The following RIPOR2 variants were observed in gnomAD, a reference collection of about 807,000 sequenced individuals.
The protein encoded by RIPOR2 is rho family-interacting cell polarization regulator 2.
Under a neutral mutation model 114.5 loss-of-function variants are expected in RIPOR2, and 39 were observed. The ratio of observed to expected loss-of-function variants is 0.34; its 90% confidence interval spans 0.26 to 0.44. RIPOR2 has a LOEUF of 0.44. Among genes scored for constraint, RIPOR2 ranks in the 20% least tolerant of loss-of-function variants. The pLI, the probability that RIPOR2 is intolerant of heterozygous loss-of-function variation, is 1.00. For synonymous variants in RIPOR2, 445 were observed against 484.4 expected, an observed-to-expected ratio of 0.92 and a Z score of 1.07; for missense variants, 1,007 against 1,255.1, an observed-to-expected ratio of 0.80 and a Z score of 2.99.
In RIPOR2 at chr6:25,037,981, C is replaced by T. The variant is rs190150879; in HGVS notation, c.76+3870G>A. On this transcript the variant is annotated intron_variant, in intron 1 of 13. Coordinates refer to the RIPOR2 transcript ENST00000510784. This position sits in a 1 kb window ranked among gnomAD's most constrained non-coding sequence, Gnocchi z 4.5. ...GAAAAATGTACTTATTTTTTAGAGACGCTCTTACTAAAATGTCATAATGTC... is the reference window on the plus strand; with the variant it reads ...GAAAAATGTACTTATTTTTTAGAGATGCTCTTACTAAAATGTCATAATGTC... Among the ~76,000 whole-genome samples, 5 of 152,204 alleles carry T rather than the reference C, an allele frequency of 3.3e-5. No individual in the cohort carries two copies. The highest frequency in any genetic ancestry group is 1.9e-4 in the East Asian group (1 of 5,190).
At chr6:25,026,296 G>T (rs10806997) in intron 1 of RIPOR2, among the ~76,000 whole-genome samples, 59,823 of 151,992 alleles carry the variant, frequency 0.39, 14,760 homozygotes, top group Non-Finnish European at 0.55. Flanking sequence ...ATTTATATAG[G>T]TATACCTTTT....
chr6:24,983,911 T>G (rs1774418443), intron 1 of RIPOR2, among the ~76,000 whole-genome samples: 1 of 152,106 alleles, frequency 6.6e-6, no homozygotes, highest in Admixed American at 6.6e-5. Flanking sequence ...AAATATTACG[T>G]GGGACTTCAG....
At chr6:25,023,372 G>C in intron 1 of RIPOR2, 3 of 784,600 alleles carry the variant, frequency 3.8e-6, no homozygotes, top group Admixed American at 1.7e-5. Context: ...CATGCTCACC[G>C]GCTCCTCGTT....
intron 1 of RIPOR2, among the ~76,000 whole-genome samples, chr6:24,884,333 C>T (rs1275499174): frequency 6.6e-6 from 1 of 152,064 alleles, no homozygotes; most frequent in Non-Finnish European, 1.5e-5. Context: ...GGCGTGAATC[C>T]GGGAGGTGGG....
intron 1 of RIPOR2, among the ~76,000 whole-genome samples, chr6:25,031,787 T>G (rs1209256316): frequency 1.1e-4 from 15 of 132,938 alleles, no homozygotes; most frequent in South Asian, 7.1e-4. Context: ...TCTATGGATA[T>G]CCATAGAATA....
chr6:24,850,848 A>C (rs1320416110), intron 9 of RIPOR2, 126 bp from the exon 10 acceptor site: 2 of 1,054,640 alleles, frequency 1.9e-6, no homozygotes, highest in East Asian at 2.4e-5. Flanking sequence ...CTCTCCCTCC[A>C]CCCCCTTACT....
intron 1 of RIPOR2, among the ~76,000 whole-genome samples, chr6:24,977,826 A>G (rs1189669957): frequency 6.6e-6 from 1 of 152,198 alleles, no homozygotes; most frequent in African/African-American, 2.4e-5. Flanking sequence ...TGTTTATTGA[A>G]GGGCAGAGGA....
At chr6:25,031,270 C>T (rs1355045587) in intron 1 of RIPOR2, 1 of 152,170 alleles carries the variant, frequency 6.6e-6, no homozygotes, top group Non-Finnish European at 1.5e-5. Context: ...AGGCCTGTGC[C>T]ACTGTAACTG....
intron 1 of RIPOR2, among the ~76,000 whole-genome samples, chr6:25,034,970 G>A (rs1026289644): frequency 3.3e-5 from 5 of 152,248 alleles, no homozygotes; most frequent in Non-Finnish European, 7.3e-5. Flanking sequence ...ATTCAGGCAG[G>A]AAGGAAGAGG....
chr6:24,918,893 A>T (rs1188693695), intron 1 of RIPOR2, among the ~76,000 whole-genome samples: 3 of 152,210 alleles, frequency 2.0e-5, no homozygotes, highest in Admixed American at 6.5e-5. Context: ...GTAAACCTGG[A>T]AACCATTAGA....
In RIPOR2 at chr6:25,031,482, A is replaced by G. The variant is rs914280141; in HGVS notation, c.76+10369T>C. On this transcript the variant is annotated intron_variant, in intron 1 of 13. Coordinates refer to the RIPOR2 transcript ENST00000510784. ...CTCATAGGACTGCTCACTAAAAAGT[A>G]TGCTGTGCTCTATGTAATTACACCT... 2.0e-5 allele frequency among the ~76,000 whole-genome samples: 3 copies of G among 151,584 alleles called. No individual in the cohort carries two copies. The East Asian group carries it at 5.8e-4, about 29-fold the overall frequency.
intron 1 of RIPOR2, among the ~76,000 whole-genome samples, chr6:24,954,163 A>G (rs1268482153): frequency 6.6e-6 from 1 of 152,208 alleles, no homozygotes; most frequent in East Asian, 1.9e-4. Flanking sequence ...GCGGGTTGGT[A>G]ACTTGGACTC....
At chr6:24,847,970 T>C (rs1260866046) in intron 12 of RIPOR2, 55 bp downstream of exon 12, 7 of 1,608,434 alleles carry the variant, frequency 4.4e-6, no homozygotes, top group Non-Finnish European at 6.0e-6. Context: ...AAATGCTGGG[T>C]GCAAGCACTG....
chr6:25,039,200 A>G (rs1201023446), intron 1 of RIPOR2, among the ~76,000 whole-genome samples: 2 of 152,240 alleles, frequency 1.3e-5, no homozygotes, highest in Admixed American at 6.5e-5. Flanking sequence ...AGCAGCTGCA[A>G]AATATTGTTG....
intron 1 of RIPOR2, among the ~76,000 whole-genome samples, chr6:25,001,738 C>T (rs1297314549): frequency 4.1e-4 from 56 of 136,152 alleles, no homozygotes; most frequent in Middle Eastern, 4.9e-3. Flanking sequence ...CTCGCTCTGT[C>T]GCCCAGGCTG....
At chr6:24,818,514 C>A in intron 20 of RIPOR2, 28 bp downstream of exon 20, 1 of 1,472,368 alleles carries the variant, frequency 6.8e-7, no homozygotes, top group East Asian at 2.5e-5. Context: ...AGCTGAGCTG[C>A]CAGGGGAGCT....
intron 1 of RIPOR2, among the ~76,000 whole-genome samples, chr6:24,902,923 T>A (rs573864697): frequency 6.6e-6 from 1 of 152,338 alleles, no homozygotes; most frequent in East Asian, 1.9e-4. Context: ...ATATTTGACC[T>A]TTTTCTGTGT....
intron 1 of RIPOR2, among the ~76,000 whole-genome samples, chr6:24,876,740 G>A (rs1205613609): frequency 2.0e-5 from 3 of 152,198 alleles, no homozygotes; most frequent in Non-Finnish European, 4.4e-5. Context: ...CGGTCGGGGG[G>A]AAGGTAAGAG....
chr6:24,838,916 A>G (rs1402781648), intron 14 of RIPOR2, among the ~76,000 whole-genome samples, 175 bp downstream of exon 14: 3 of 152,226 alleles, frequency 2.0e-5, no homozygotes, highest in Non-Finnish European at 2.9e-5. Context: ...GAGGTGAATA[A>G]TATTGACCCT....
Sources: allele counts gnomAD v4.1 joint callset (sites outside exome capture counted in the v4.1 genomes callset), GRCh38; gene constraint gnomAD v4.1.1; non-coding constraint Gnocchi (gnomAD v3.1); transcripts MANE v1.5; gene names NCBI Gene and HGNC (gene_info 2026-07-23, HGNC 2026-07-21).